GNAI1: variants seen among roughly 807,000 people sequenced by gnomAD.
The protein encoded by GNAI1 is guanine nucleotide-binding protein G(i) subunit alpha-1.
GNAI1 carries 11 observed loss-of-function variants against 38.9 expected under a neutral mutation model. That is an observed-to-expected ratio of 0.28 (90% confidence interval 0.18 to 0.47). The LOEUF is 0.47. Ranked by LOEUF, GNAI1 falls within the 20% of genes least tolerant of loss-of-function variation. The pLI is 0.99. For synonymous variants in GNAI1, 166 were observed against 145.1 expected (o/e 1.14, Z -1.04); for missense variants, 317 against 436.9 (o/e 0.73, Z 2.45).
chr7:80,167,173 C>T (rs1214146882), intron 1 of GNAI1, among the ~76,000 whole-genome samples: 2 of 152,174 alleles, frequency 1.3e-5, no homozygotes, highest in East Asian at 3.9e-4. Flanking sequence ...ATAAGAATGA[C>T]CTTTTTCTAC....
chr7:80,147,467 G>T (rs1410780628), intron 1 of GNAI1, among the ~76,000 whole-genome samples: 1 of 151,558 alleles, frequency 6.6e-6, no homozygotes, highest in Non-Finnish European at 1.5e-5. Context: ...CCAAGAACCA[G>T]ACCATTCTGG....
rs1388308860 is a variant in GNAI1, at chr7:80,189,012, C to T, written c.161+19C>T. ...AGATGAAGTAAGTAGATTTAAACACCAAATTTGCTGTTTAAGTTAGTGTAC... is the reference window on the plus strand; with the variant it reads ...AGATGAAGTAAGTAGATTTAAACACTAAATTTGCTGTTTAAGTTAGTGTAC... On this transcript the variant is annotated intron_variant, in intron 2 of 7. Transcript: ENST00000649796. 2 of 1,605,082 alleles carry T rather than the reference C, an allele frequency of 1.2e-6. No individual in the cohort carries two copies. Among genetic ancestry groups the T allele is most frequent in the Non-Finnish European group, 8.5e-7 (1 of 1,172,362 alleles).
At position 80,220,626 on chromosome 7, in the gene GNAI1, C is replaced by CT. The variant is rs542210299; in HGVS notation, c.*3139dup. Among the ~76,000 whole-genome samples the CT allele has an allele frequency of 6.6e-6, 1 of 152,302 alleles. No homozygotes were observed. Among genetic ancestry groups the CT allele is most frequent in the East Asian group, 1.9e-4 (1 of 5,178 alleles). On this transcript the variant is annotated 3_prime_UTR_variant, in exon 8 of 8. Coordinates refer to ENST00000649796, the MANE Select transcript of GNAI1 (RefSeq NM_002069.6). The stretch of plus-strand genomic sequence containing the variant: ...ATTTCAGTAACCTTCTAAAAGTCTA[C>CT]TTTTTTATGCCTAATCTAGTTTAAT...
chr7:80,178,591 ATTG>A (rs1462538199), intron 1 of GNAI1, among the ~76,000 whole-genome samples: 1 of 152,188 alleles, frequency 6.6e-6, no homozygotes, highest in Non-Finnish European at 1.5e-5. Context: ...GGGTCAGATG[ATTG>A]TTAACATTTT....
intron 1 of GNAI1, among the ~76,000 whole-genome samples, chr7:80,154,257 G>T (rs1317803436): frequency 1.3e-5 from 2 of 152,124 alleles, no homozygotes; most frequent in Non-Finnish European, 2.9e-5. Flanking sequence ...AATAAAAGGT[G>T]CACTTTTAAA....
intron 1 of GNAI1, among the ~76,000 whole-genome samples, chr7:80,178,941 TC>T (rs1788243301): frequency 6.6e-6 from 1 of 152,192 alleles, no homozygotes; most frequent in Non-Finnish European, 1.5e-5. Flanking sequence ...TATTGAATGA[TC>T]CACCCTTTTC....
chr7:80,149,075 A>G (rs1364550466), intron 1 of GNAI1, among the ~76,000 whole-genome samples: 8 of 152,112 alleles, frequency 5.3e-5, no homozygotes, highest in Non-Finnish European at 1.0e-4. Flanking sequence ...TACTGTGGAC[A>G]TTTAGGGAAG....
chr7:80,174,077 G>A (rs944572233), intron 1 of GNAI1, among the ~76,000 whole-genome samples: 2 of 152,150 alleles, frequency 1.3e-5, no homozygotes, highest in Admixed American at 1.3e-4. Context: ...TCGACTAGGA[G>A]TGAGATTTAT....
At position 80,190,308 on chromosome 7, in the gene GNAI1, GT is replaced by G. The variant is rs77008597; in HGVS notation, c.303+1083del. Reference sequence around the variant, plus strand: ...AGTTACTGAGCTATATTAATTTACTGTTTTTTAAACTTTTTTAAAAAGCTTA... The same window carrying G: ...AGTTACTGAGCTATATTAATTTACTGTTTTTAAACTTTTTTAAAAAGCTTA... On this transcript the variant is annotated intron_variant, in intron 3 of 7. Coordinates refer to ENST00000649796, the MANE Select transcript of GNAI1 (RefSeq NM_002069.6). Among the ~76,000 whole-genome samples, 307 of 151,852 alleles carry G rather than the reference GT, an allele frequency of 2.0e-3. 10 individuals are homozygous for G. In the East Asian group the frequency reaches 0.049, roughly 24 times the overall value.
At chr7:80,196,491 G>T (rs1465313299) in intron 3 of GNAI1, among the ~76,000 whole-genome samples, 1 of 151,754 alleles carries the variant, frequency 6.6e-6, no homozygotes, top group Non-Finnish European at 1.5e-5. Flanking sequence ...CACAAATTTT[G>T]CAAAGACCTC....
At chr7:80,188,844 G>A (rs1251360184) in intron 1 of GNAI1, 107 bp from the exon 2 acceptor site, 19 of 741,182 alleles carry the variant, frequency 2.6e-5, no homozygotes, top group Non-Finnish European at 4.4e-5. Flanking sequence ...TAGACACACA[G>A]AGAGAGACTG....
In GNAI1 at chr7:80,225,435, G is replaced by T. The variant is rs2886612; in HGVS notation, c.*7942G>T. On this transcript the variant is annotated 3_prime_UTR_variant, in exon 8 of 8. Coordinates refer to ENST00000649796, the MANE Select transcript of GNAI1 (RefSeq NM_002069.6). ...GCAGCCAAATCAAAAGATTAGTGGG[G>T]TTTTTTTTAATGTTGTTATTGTGTT... 0.74 allele frequency among the ~76,000 whole-genome samples: 113,052 copies of T among 151,858 alleles called. 44,073 individuals are homozygous for T. The highest frequency in any genetic ancestry group is 0.94 in the East Asian group (4,884 of 5,170).
intron 1 of GNAI1, among the ~76,000 whole-genome samples, chr7:80,169,360 A>G (rs1320365200): frequency 1.3e-5 from 2 of 152,232 alleles, no homozygotes; most frequent in East Asian, 3.9e-4. Flanking sequence ...GTATCATTTT[A>G]AAGTAATAGA....
At chr7:80,173,653 C>G (rs577192476) in intron 1 of GNAI1, among the ~76,000 whole-genome samples, 1 of 152,266 alleles carries the variant, frequency 6.6e-6, no homozygotes, top group Admixed American at 6.5e-5. Flanking sequence ...CAGGAATTGT[C>G]TGATCGCATA....
chr7:80,158,161 C>A (rs370037946), intron 1 of GNAI1, among the ~76,000 whole-genome samples: 40 of 152,286 alleles, frequency 2.6e-4, no homozygotes, highest in African/African-American at 8.2e-4. Flanking sequence ...CAAGCAGTGT[C>A]AGTACTCCAA....
intron 1 of GNAI1, among the ~76,000 whole-genome samples, chr7:80,168,121 A>T (rs923367727): frequency 6.6e-6 from 1 of 152,142 alleles, no homozygotes; most frequent in Non-Finnish European, 1.5e-5. Context: ...AGCTGACTCC[A>T]TGAGAACTTC....
intron 1 of GNAI1, among the ~76,000 whole-genome samples, chr7:80,137,342 A>G (rs1583998562): frequency 2.3e-5 from 1 of 43,372 alleles, no homozygotes; most frequent in Non-Finnish European, 3.7e-5. Context: ...TTTTTTTGAG[A>G]CGGAGTCTTG....
At chr7:80,142,464 C>T (rs1241806346) in intron 1 of GNAI1, among the ~76,000 whole-genome samples, 1 of 152,192 alleles carries the variant, frequency 6.6e-6, no homozygotes, top group Non-Finnish European at 1.5e-5. Flanking sequence ...CTTCCTTCGT[C>T]TCCCTTCCTA....
intron 3 of GNAI1, among the ~76,000 whole-genome samples, chr7:80,193,289 T>C (rs889199776): frequency 6.6e-6 from 1 of 152,124 alleles, no homozygotes; most frequent in Non-Finnish European, 1.5e-5. Context: ...AGTATATAGG[T>C]TGATTTGGTA....
Sources: gnomAD v4.1 joint callset for allele counts (sites outside exome capture counted in the v4.1 genomes callset) on GRCh38, gnomAD v4.1.1 for gene constraint, MANE v1.5 for transcripts, NCBI Gene and HGNC (gene_info 2026-07-23, HGNC 2026-07-21) for gene names.